The following CDH9 variants were observed in gnomAD, a reference collection of about 807,000 sequenced individuals.
CDH9 encodes cadherin-9.
CDH9 carries 28 observed loss-of-function variants against 70.9 expected under a neutral mutation model. That is an observed-to-expected ratio of 0.40 (90% confidence interval 0.29 to 0.54). The LOEUF is 0.54. CDH9 is among the 20% of genes least tolerant of loss of function. The pLI is 0.59. For missense variants in CDH9, 874 were observed against 984.4 expected (o/e 0.89, Z 1.50); for synonymous variants, 409 against 343.1 (o/e 1.19, Z -2.12).
intron 2 of CDH9, among the ~76,000 whole-genome samples, chr5:26,928,515 C>A (rs1741385390): frequency 2.0e-5 from 3 of 152,112 alleles, no homozygotes; most frequent in Admixed American, 1.3e-4. Context: ...TATGGACTCA[C>A]AGAAGACCTA....
intron 1 of CDH9, among the ~76,000 whole-genome samples, chr5:27,005,421 C>T (rs1048011076): frequency 7.2e-5 from 11 of 152,142 alleles, no homozygotes; most frequent in African/African-American, 2.4e-4. Flanking sequence ...AAAAAAAGCT[C>T]AGTATCACTG....
rs201517201 is a variant in CDH9, at chr5:26,952,920, A to G, written c.228+35186T>C. 1.6e-3 allele frequency among the ~76,000 whole-genome samples: 196 copies of G among 119,864 alleles called. 1 individual carries two copies. The highest frequency in any genetic ancestry group is 2.1e-3 in the Non-Finnish European group (117 of 56,148). The allele number at this position is 119,864 out of a possible 152,430, so 78.6% of individuals were successfully genotyped here. A position where few individuals can be genotyped will look rare whatever the true frequency, so the allele number is the denominator to read the frequency against. On this transcript the variant is annotated intron_variant, in intron 2 of 11. Coordinates refer to ENST00000231021, the MANE Select transcript of CDH9 (RefSeq NM_016279.4). ...CTATTCCAAAAAAAAAAAAAAAAAAAAAGTTTAAAGAGAATACAGTCAAAG... is the reference window on the plus strand; with the variant it reads ...CTATTCCAAAAAAAAAAAAAAAAAAGAAGTTTAAAGAGAATACAGTCAAAG...
At chr5:26,950,918 A>C (rs1245809507) in intron 2 of CDH9, among the ~76,000 whole-genome samples, 1 of 152,162 alleles carries the variant, frequency 6.6e-6, no homozygotes, top group Admixed American at 6.5e-5. Context: ...TATAGTAGAG[A>C]TACTGACTAA....
Position 26,889,829 on chromosome 5 carries a change from T to A in CDH9, c.1512+7A>T. 2 of 1,544,182 alleles carry A rather than the reference T, an allele frequency of 1.3e-6. No homozygotes were observed. Among genetic ancestry groups the A allele is most frequent in the Non-Finnish European group, 1.8e-6 (2 of 1,123,308 alleles). On this transcript the variant is annotated splice_region_variant and intron_variant, in intron 9 of 11. Coordinates refer to ENST00000231021, the MANE Select transcript of CDH9 (RefSeq NM_016279.4). ...TATTCTTTTAAGTTTTTAATGATTT[T>A]ATTTACCTGCCCAGGTTTTGCATTT...
chr5:26,889,711 A>G (rs1440442350), intron 9 of CDH9, 125 bp downstream of exon 9: 1 of 579,504 alleles, frequency 1.7e-6, no homozygotes. Flanking sequence ...GTTAAGGATA[A>G]ATGGTGGACA....
intron 1 of CDH9, among the ~76,000 whole-genome samples, chr5:26,991,316 C>A (rs1742576109): frequency 6.6e-6 from 1 of 152,208 alleles, no homozygotes; most frequent in Non-Finnish European, 1.5e-5. Context: ...GCCCCTGCAA[C>A]TGTCTTTGAA....
At chr5:26,937,000 A>G (rs1356686279) in intron 2 of CDH9, among the ~76,000 whole-genome samples, 2 of 152,152 alleles carry the variant, frequency 1.3e-5, no homozygotes, top group South Asian at 2.1e-4. Context: ...TACAACACCA[A>G]AAGAATGATC....
intron 2 of CDH9, among the ~76,000 whole-genome samples, chr5:26,951,291 CAA>C (rs796799417): frequency 0.016 from 1,400 of 85,840 alleles, 9 homozygotes; most frequent in African/African-American, 0.075. Flanking sequence ...GACTCTGTCT[CAA>C]AAAAAAAAAA....
intron 9 of CDH9, among the ~76,000 whole-genome samples, chr5:26,888,401 A>T (rs960036849): frequency 1.3e-5 from 2 of 152,146 alleles, no homozygotes; most frequent in Non-Finnish European, 2.9e-5. Context: ...TGCTAGGGTA[A>T]CATTTTGTGG....
intron 2 of CDH9, among the ~76,000 whole-genome samples, chr5:26,956,220 A>G (rs1392215301): frequency 6.6e-6 from 1 of 152,124 alleles, no homozygotes; most frequent in African/African-American, 2.4e-5. Flanking sequence ...GGGATGGTGA[A>G]TAAGTCTCAC....
At chr5:26,927,494 A>T (rs1741363228) in intron 2 of CDH9, among the ~76,000 whole-genome samples, 1 of 152,052 alleles carries the variant, frequency 6.6e-6, no homozygotes, top group South Asian at 2.1e-4. Flanking sequence ...AAGGAAATAT[A>T]TTTGGAATGG....
intron 2 of CDH9, among the ~76,000 whole-genome samples, chr5:26,952,332 C>T (rs1248945935): frequency 7.7e-6 from 1 of 129,514 alleles, no homozygotes; most frequent in Non-Finnish European, 1.8e-5. Context: ...GTGATTGGGT[C>T]GGCCGGGCGT....
At chr5:27,038,099 T>C (rs753279875) in intron 1 of CDH9, among the ~76,000 whole-genome samples, 3 of 151,946 alleles carry the variant, frequency 2.0e-5, no homozygotes, top group Non-Finnish European at 4.4e-5. Flanking sequence ...AATAATCACA[T>C]ACATGAACAC....
At chr5:26,986,176 G>T (rs892634227) in intron 2 of CDH9, among the ~76,000 whole-genome samples, 25 of 152,150 alleles carry the variant, frequency 1.6e-4, no homozygotes, top group Admixed American at 9.2e-4. Context: ...ATAGTTGACA[G>T]GTGGTTTTGG....
At chr5:26,987,049 A>C (rs1399329760) in intron 2 of CDH9, among the ~76,000 whole-genome samples, 1 of 151,246 alleles carries the variant, frequency 6.6e-6, no homozygotes, top group Admixed American at 6.6e-5. Flanking sequence ...TCCTGTTTTA[A>C]AAGCTACAAG....
chr5:26,888,557 T>C (rs1424079702), intron 9 of CDH9, among the ~76,000 whole-genome samples: 1 of 152,198 alleles, frequency 6.6e-6, no homozygotes, highest in East Asian at 1.9e-4. Context: ...AAGCACATTT[T>C]TATCCAAATA....
intron 1 of CDH9, among the ~76,000 whole-genome samples, chr5:27,037,980 G>T (rs1165674292): frequency 6.6e-6 from 1 of 151,698 alleles, no homozygotes; most frequent in Non-Finnish European, 1.5e-5. Context: ...AATAAAGAAA[G>T]CATTTCTTAT....
intron 2 of CDH9, among the ~76,000 whole-genome samples, chr5:26,983,695 A>C (rs1742440667): frequency 6.7e-6 from 1 of 150,080 alleles, no homozygotes; most frequent in Non-Finnish European, 1.5e-5. Context: ...CTGCACTATA[A>C]GTAATGATAC....
At chr5:27,014,520 A>C (rs1000425803) in intron 1 of CDH9, among the ~76,000 whole-genome samples, 1 of 151,952 alleles carries the variant, frequency 6.6e-6, no homozygotes, top group Non-Finnish European at 1.5e-5. Flanking sequence ...ATAAAGCAGT[A>C]TAAGTTTGGA....
Sources: gnomAD v4.1 joint callset for allele counts (sites outside exome capture counted in the v4.1 genomes callset) on GRCh38, gnomAD v4.1.1 for gene constraint, MANE v1.5 for transcripts, NCBI Gene and HGNC (gene_info 2026-07-23, HGNC 2026-07-21) for gene names.